Variants in FAM120B observed in about 807,000 individuals in gnomAD.
The protein encoded by FAM120B is family with sequence similarity 120 member B.
FAM120B carries 83 observed loss-of-function variants against 96.3 expected under a neutral mutation model. That is an observed-to-expected ratio of 0.86 (90% CI 0.72 to 1.03). FAM120B has a LOEUF of 1.03. Among genes scored for constraint, FAM120B ranks in the 50% least tolerant of loss-of-function variants. The pLI, the probability that FAM120B is intolerant of heterozygous loss-of-function variation, is 0.00. For missense variants in FAM120B, 1,027 were observed against 1,121.2 expected, an observed-to-expected ratio of 0.92 and a Z score of 1.20; for synonymous variants, 407 against 402.7, an observed-to-expected ratio of 1.01 and a Z score of -0.13.
intron 6 of FAM120B, among the ~76,000 whole-genome samples, chr6:170,386,377 A>G (rs768014908): frequency 1.3e-5 from 2 of 152,240 alleles, no homozygotes; most frequent in African/African-American, 2.4e-5. Context: ...AATTGCCAGT[A>G]TACAGCATGA....
At chr6:170,313,746 T>C (rs1323765786) in intron 1 of FAM120B, among the ~76,000 whole-genome samples, 1 of 152,270 alleles carries the variant, frequency 6.6e-6, no homozygotes, top group Non-Finnish European at 1.5e-5. Flanking sequence ...TCCCTGTCTC[T>C]TACGTGCCAT....
At chr6:170,353,612 G>A (rs753163154) in intron 5 of FAM120B, among the ~76,000 whole-genome samples, 9 of 151,692 alleles carry the variant, frequency 5.9e-5, no homozygotes, top group East Asian at 1.9e-4. Context: ...ATATAAAATC[G>A]CCAGTATTCC....
intron 8 of FAM120B, among the ~76,000 whole-genome samples, chr6:170,392,365 G>A (rs530019046): frequency 5.9e-5 from 9 of 152,126 alleles, no homozygotes; most frequent in East Asian, 5.8e-4. Flanking sequence ...GTGCCACCAC[G>A]CCCGGCTAAT....
At chr6:170,354,683 G>A (rs182321754) in intron 5 of FAM120B, among the ~76,000 whole-genome samples, 1 of 152,260 alleles carries the variant, frequency 6.6e-6, no homozygotes, top group East Asian at 1.9e-4. Flanking sequence ...CAGCACTTTG[G>A]GAGGCTGAGG....
intron 1 of FAM120B, among the ~76,000 whole-genome samples, chr6:170,297,055 G>T (rs1266186982): frequency 6.6e-6 from 1 of 152,232 alleles, no homozygotes; most frequent in East Asian, 1.9e-4. Flanking sequence ...CACGCGGGGG[G>T]CTTCAAGGCC....
At chr6:170,335,017 G>A (rs909927413) in intron 4 of FAM120B, among the ~76,000 whole-genome samples, 16 of 149,948 alleles carry the variant, frequency 1.1e-4, no homozygotes, top group Non-Finnish European at 2.4e-4. Context: ...TTGCATGTGC[G>A]TAGTCAGGGT....
intron 6 of FAM120B, among the ~76,000 whole-genome samples, chr6:170,368,466 C>G (rs1052632614): frequency 2.0e-5 from 3 of 152,154 alleles, no homozygotes; most frequent in African/African-American, 7.2e-5. Flanking sequence ...GCTTTGAAGA[C>G]ATAATGAGAT....
intron 1 of FAM120B, among the ~76,000 whole-genome samples, chr6:170,311,913 A>T (rs958925021): frequency 3.9e-5 from 6 of 152,244 alleles, no homozygotes; most frequent in Non-Finnish European, 8.8e-5. Flanking sequence ...CAGCTTCCTA[A>T]CATACTAAGG....
chr6:170,345,594 A>C (rs1481665363), intron 4 of FAM120B, among the ~76,000 whole-genome samples: 1 of 152,270 alleles, frequency 6.6e-6, no homozygotes, highest in Non-Finnish European at 1.5e-5. Context: ...GTATCAGTGC[A>C]TATGAATGGA....
At chr6:170,396,910 G>A (rs1433577910) in intron 9 of FAM120B, among the ~76,000 whole-genome samples, 3 of 152,258 alleles carry the variant, frequency 2.0e-5, no homozygotes, top group East Asian at 3.8e-4. Context: ...GGTGCTTTGG[G>A]CCATTGCCGC....
rs748846713 is a variant in FAM120B, at chr6:170,330,530, C to T, written c.1997C>T (p.Pro666Leu). 12 of 1,613,802 alleles carry T rather than the reference C, an allele frequency of 7.4e-6. No homozygotes were observed. The highest frequency in any genetic ancestry group is 6.7e-5 in the East Asian group (3 of 44,896). Reference protein sequence around the residue: ...NPLRHPDLVRPLQMTIPGGTP... With the variant: ...NPLRHPDLVRLLQMTIPGGTP... ...CTGAGGCACCCGGACCTCGTCAGGC[C>T]GCTGCAGATGACCATTCCAGGTACA... The change falls in exon 4 of 11, where the codon CCG (proline) becomes CTG (leucine). Residue 666 changes from proline to leucine, a missense_variant. Transcript: ENST00000476287.
intron 1 of FAM120B, among the ~76,000 whole-genome samples, chr6:170,313,975 C>T (rs753940268): frequency 4.6e-5 from 7 of 152,234 alleles, no homozygotes; most frequent in African/African-American, 1.7e-4. Flanking sequence ...ACTGTGTGTG[C>T]GTCCATCAAC....
rs1331852311 is a variant in FAM120B at position 170,317,824 on chromosome 6, T to C, written c.434T>C (p.Leu145Pro). ...CTAGCTGTGTTTACACGATTTGCTC[T>C]AAAGACACTGGGCCAGGAAACTTTG... ...SGLAVFTRFA[L>P]KTLGQETLCS... is the part of the protein sequence containing the mutation. The change falls in exon 2 of 11, where the codon CTA becomes CCA. Residue 145 changes from leucine (L) to proline (P), a missense_variant. Around this residue, in one of 3 missense-constraint regions of FAM120B, gnomAD observed 880 missense variants for 980.9 expected, o/e 0.90. Coordinates refer to ENST00000476287, the MANE Select transcript of FAM120B (RefSeq NM_032448.3). The C allele has an allele frequency of 6.2e-7, 1 of 1,614,238 alleles. No individual in the cohort carries two copies. Among genetic ancestry groups the C allele is most frequent in the East Asian group, 2.2e-5 (1 of 44,888 alleles).
intron 6 of FAM120B, among the ~76,000 whole-genome samples, chr6:170,373,143 T>G (rs886570157): frequency 1.3e-5 from 2 of 152,256 alleles, no homozygotes; most frequent in African/African-American, 4.8e-5. Flanking sequence ...CTTTAAGAAC[T>G]GGTTTTTCCA....
chr6:170,382,254 T>G (rs947372384), intron 6 of FAM120B, among the ~76,000 whole-genome samples: 6 of 152,126 alleles, frequency 3.9e-5, no homozygotes, highest in Admixed American at 3.9e-4. Context: ...GACCCCCATC[T>G]CTACAAAAAA....
chr6:170,326,401 C>T (rs989621028), intron 3 of FAM120B, among the ~76,000 whole-genome samples: 3 of 152,208 alleles, frequency 2.0e-5, no homozygotes, highest in Non-Finnish European at 4.4e-5. Flanking sequence ...CCATTCCTGT[C>T]CTCTGGCAAC....
chr6:170,315,289 G>A (rs879797935), intron 1 of FAM120B, among the ~76,000 whole-genome samples: 4 of 152,202 alleles, frequency 2.6e-5, no homozygotes, highest in Non-Finnish European at 2.9e-5. Context: ...TAGAGCAGTC[G>A]TCTAGAGCTG....
At chr6:170,328,107 A>G (rs1400179709) in intron 3 of FAM120B, among the ~76,000 whole-genome samples, 1 of 152,222 alleles carries the variant, frequency 6.6e-6, no homozygotes, top group Admixed American at 6.5e-5. Context: ...TTTTAAATTT[A>G]TTTAACTTTT....
chr6:170,325,789 C>T (rs949687189), intron 3 of FAM120B, among the ~76,000 whole-genome samples: 6 of 149,258 alleles, frequency 4.0e-5, no homozygotes, highest in Non-Finnish European at 7.4e-5. Flanking sequence ...TGCAGTGAGC[C>T]AAGGTCACAC....
Sources: gnomAD v4.1 joint callset for allele counts (sites outside exome capture counted in the v4.1 genomes callset) on GRCh38, gnomAD v4.1.1 for gene constraint, gnomAD v4.1.1 regional missense constraint, MANE v1.5 for transcripts, NCBI Gene and HGNC (gene_info 2026-07-23, HGNC 2026-07-21) for gene names.